B4GALNT3: variants seen among roughly 807,000 people sequenced by gnomAD.
The protein encoded by B4GALNT3 is beta-1,4-N-acetylgalactosaminyltransferase 3.
Under a neutral mutation model 120.2 loss-of-function variants are expected in B4GALNT3, and 86 were observed. The observed-to-expected ratio is 0.72, with a 90% CI of 0.60 to 0.86. The LOEUF (loss-of-function observed/expected upper bound fraction) is 0.86, where lower values mean the gene tolerates loss of function less well. B4GALNT3 is among the 40% of genes least tolerant of loss of function. The pLI is 0.00. For synonymous variants in B4GALNT3, 518 were observed against 510.4 expected, an observed-to-expected ratio of 1.01 and a Z score of -0.20; for missense variants, 1,167 against 1,298.9, an observed-to-expected ratio of 0.90 and a Z score of 1.56.
Position 542,624 on chromosome 12 carries a change from C to G in B4GALNT3, c.352-1715C>G, listed in dbSNP as rs76108777. 3.1e-4 allele frequency among the ~76,000 whole-genome samples: 47 copies of G among 152,296 alleles called. 1 individual carries two copies. The highest frequency in any genetic ancestry group is 1.1e-3 in the African/African-American group (47 of 41,574). ...GGCACAAAGTCCCCACACTTCCCCT[C>G]TCCTCTCAAATTTCCAGCCCTGCCA... On this transcript the variant is annotated intron_variant, in intron 3 of 19. Coordinates refer to ENST00000266383, the MANE Select transcript of B4GALNT3 (RefSeq NM_173593.4).
At chr12:472,843 A>G (rs893729055) in intron 1 of B4GALNT3, among the ~76,000 whole-genome samples, 4 of 152,234 alleles carry the variant, frequency 2.6e-5, no homozygotes, top group African/African-American at 9.6e-5. Flanking sequence ...TCTATCTCCA[A>G]AACTGCTGGG....
At chr12:497,256 C>A (rs1279616046) in intron 1 of B4GALNT3, among the ~76,000 whole-genome samples, 1 of 152,172 alleles carries the variant, frequency 6.6e-6, no homozygotes, top group African/African-American at 2.4e-5. Context: ...CGGGTTCAAG[C>A]GATTCTCCTG....
At chr12:521,060 C>T (rs945948813) in intron 1 of B4GALNT3, among the ~76,000 whole-genome samples, 5 of 152,276 alleles carry the variant, frequency 3.3e-5, no homozygotes, top group East Asian at 1.9e-4. Context: ...TAATGACTCT[C>T]GGAGAAGTCA....
At chr12:500,571 C>G (rs1054656923) in intron 1 of B4GALNT3, among the ~76,000 whole-genome samples, 1 of 152,268 alleles carries the variant, frequency 6.6e-6, no homozygotes, top group East Asian at 1.9e-4. Flanking sequence ...TATGGACATT[C>G]GGCTGGTACA....
intron 1 of B4GALNT3, among the ~76,000 whole-genome samples, chr12:468,518 A>G (rs943306817): frequency 2.6e-5 from 4 of 152,200 alleles, no homozygotes; most frequent in Non-Finnish European, 4.4e-5. Flanking sequence ...GGCAAATTCA[A>G]TAAAATTGGA....
chr12:528,419 T>C (rs1204966828), intron 1 of B4GALNT3, among the ~76,000 whole-genome samples: 1 of 152,190 alleles, frequency 6.6e-6, no homozygotes, highest in Non-Finnish European at 1.5e-5. Flanking sequence ...AAACACCCGA[T>C]GTTTCACTTA....
chr12:556,901 G>A (rs753189070), intron 15 of B4GALNT3, 35 bp downstream of exon 15: 3 of 1,574,406 alleles, frequency 1.9e-6, no homozygotes, highest in South Asian at 1.2e-5. Flanking sequence ...ATTCTCAGGG[G>A]CGGGGTCCTC....
chr12:461,526 C>T (rs550636951), intron 1 of B4GALNT3, among the ~76,000 whole-genome samples: 1 of 152,338 alleles, frequency 6.6e-6, no homozygotes, highest in African/African-American at 2.4e-5. Context: ...CCCGTTACTA[C>T]CAGGTGCCCA....
chr12:559,448 G>A lies in B4GALNT3; in HGVS notation c.2888+27G>A, dbSNP rs200998428. 2.0e-5 allele frequency: 32 copies of A among 1,610,500 alleles called. 1 individual carries two copies. The highest frequency in any genetic ancestry group is 5.0e-5 in the Admixed American group (3 of 59,936). On this transcript the variant is annotated intron_variant, in intron 19 of 19. Transcript: ENST00000266383. The stretch of plus-strand genomic sequence containing the variant: ...TGACTGGGAAGAGGAGGGCATCCAC[G>A]AGGCCTGGGAATTCCATGGCGCTCC...
rs769493394 is a variant in B4GALNT3, at chr12:544,425, G to C, written c.438G>C (p.Leu146=). 7 of 1,613,656 alleles carry C rather than the reference G, an allele frequency of 4.3e-6. No individual in the cohort carries two copies. The highest frequency in any genetic ancestry group is 5.9e-6 in the Non-Finnish European group (7 of 1,179,824). The change falls in exon 4 of 20, where the codon CTG becomes CTC. Residue 146 remains leucine, a synonymous_variant. Coordinates refer to ENST00000266383, the MANE Select transcript of B4GALNT3 (RefSeq NM_173593.4). ...TCAGGAGGAACCTGCATTTCCCACTGTACCCCCATGTGAGTGCCTGAGGGC... is the reference window on the plus strand; with the variant it reads ...TCAGGAGGAACCTGCATTTCCCACTCTACCCCCATGTGAGTGCCTGAGGGC... ...QQLRRNLHFP[L]YPHIRTTLRK...
intron 1 of B4GALNT3, among the ~76,000 whole-genome samples, chr12:505,447 G>A (rs1000062964): frequency 2.0e-5 from 3 of 152,184 alleles, no homozygotes; most frequent in African/African-American, 7.2e-5. Flanking sequence ...TAAGCCCAGA[G>A]GGGAAAGGAA....
chr12:557,855 C>G, intron 16 of B4GALNT3, 94 bp downstream of exon 16: 2 of 1,501,426 alleles, frequency 1.3e-6, no homozygotes, highest in Non-Finnish European at 1.8e-6. Flanking sequence ...GAGTCCTGCC[C>G]AGCCTTCCTG....
chr12:463,447 G>A (rs556263183), intron 1 of B4GALNT3, among the ~76,000 whole-genome samples: 18 of 152,304 alleles, frequency 1.2e-4, no homozygotes, highest in African/African-American at 3.1e-4. Context: ...GACTGTTCAC[G>A]CATTCATTTA....
chr12:528,226 G>GT (rs1946774955), intron 1 of B4GALNT3, among the ~76,000 whole-genome samples: 1 of 151,918 alleles, frequency 6.6e-6, no homozygotes, highest in African/African-American at 2.4e-5. Flanking sequence ...ATTTTTAAAT[G>GT]TTTTTTAGAG....
rs542548196 is a variant in B4GALNT3 at position 535,319 on chromosome 12, C to G, written c.273+50C>G. On this transcript the variant is annotated intron_variant, in intron 2 of 19. Coordinates refer to ENST00000266383, the MANE Select transcript of B4GALNT3 (RefSeq NM_173593.4). ...CCCTGCTGATGCCTTAACAAAGGTC[C>G]GCAGGTGCTCTGCCCAGTTGCCTTA... 5 of 1,511,388 alleles carry G rather than the reference C, an allele frequency of 3.3e-6. No individual in the cohort carries two copies. In the South Asian group the frequency reaches 4.6e-5, roughly 14 times the overall value. 93.6% of individuals were successfully genotyped at this position (1,511,388 alleles called of 1,614,324 possible).
intron 14 of B4GALNT3, among the ~76,000 whole-genome samples, chr12:554,596 C>G (rs971287377): frequency 2.0e-5 from 3 of 150,824 alleles, no homozygotes; most frequent in African/African-American, 7.3e-5. Flanking sequence ...CGAGACCATC[C>G]TGGCTAACAC....
rs199595336 is a variant in B4GALNT3 at position 536,295 on chromosome 12, G to T, written c.351G>T (p.Glu117Asp). ...ACAAGCCTGTCCCCTGGCTCTCAGA[G>T]GTGAGGGACTTTCTATTGTACCTGC... is the stretch of plus-strand genomic sequence containing the variant. Reference protein sequence around the residue: ...KWNKPVPWLSEFRGRANLHVF... With the variant: ...KWNKPVPWLSDFRGRANLHVF... The change falls in exon 3 of 20, where the codon GAG (glutamate) becomes GAT (aspartate). Residue 117 changes from glutamate (E) to aspartate (D), a missense_variant and splice_region_variant. Glu to Asp is a conservative substitution (Grantham distance 45). This residue lies in a region of B4GALNT3 where 171 missense variants were observed against 161.3 expected (regional missense o/e 1.06). Coordinates refer to ENST00000266383, the MANE Select transcript of B4GALNT3 (RefSeq NM_173593.4). 1.9e-5 allele frequency: 31 copies of T among 1,610,444 alleles called. No individual in the cohort carries two copies. Among genetic ancestry groups the T allele is most frequent in the Non-Finnish European group, 2.4e-5 (28 of 1,176,796 alleles).
intron 1 of B4GALNT3, among the ~76,000 whole-genome samples, chr12:510,389 G>A (rs1198508841): frequency 6.9e-6 from 1 of 145,714 alleles, no homozygotes; most frequent in Admixed American, 6.8e-5. Context: ...AGCACAATGG[G>A]AAGGGCTAGC....
In B4GALNT3 at chr12:553,061, C is replaced by T. The variant is rs1034065996; in HGVS notation, c.1271-133C>T. On this transcript the variant is annotated intron_variant, in intron 13 of 19. Coordinates refer to ENST00000266383, the MANE Select transcript of B4GALNT3 (RefSeq NM_173593.4). ...ACCTTGCCCAGGGTCACACAGTAAG[C>T]GATAGAACCTGGATTCAACCCCAGT... The T allele has an allele frequency of 5.0e-5, 65 of 1,311,154 alleles. No homozygotes were observed. The African/African-American group carries it at 7.0e-4, about 14-fold the overall frequency. The allele number at this position is 1,311,154 out of a possible 1,614,324, so 81.2% of individuals were successfully genotyped here. A position where few individuals can be genotyped will look rare whatever the true frequency, so the allele number is the denominator to read the frequency against.
Sources: gnomAD v4.1 joint callset for allele counts (sites outside exome capture counted in the v4.1 genomes callset) on GRCh38, gnomAD v4.1.1 for gene constraint, gnomAD v4.1.1 regional missense constraint, MANE v1.5 for transcripts, NCBI Gene and HGNC (gene_info 2026-07-23, HGNC 2026-07-21) for gene names.